The following ZNF654 variants were observed in gnomAD, a reference collection of about 807,000 sequenced individuals.
ZNF654 encodes melanoma-associated antigen.
A neutral mutation model predicts 95.3 loss-of-function variants in ZNF654; 19 were observed. That is an observed-to-expected ratio of 0.20 (90% CI 0.14 to 0.29). The LOEUF (loss-of-function observed/expected upper bound fraction) is 0.29. Among genes scored for constraint, ZNF654 ranks in the 10% least tolerant of loss-of-function variants. The pLI, the probability that ZNF654 is intolerant of heterozygous loss-of-function variation, is 1.00. For missense variants in ZNF654, 1,046 were observed against 1,341.0 expected (o/e 0.78, Z 3.44); for synonymous variants, 413 against 457.9 (o/e 0.90, Z 1.25).
chr3:88,124,136 A>G (rs1705943455), intron 3 of ZNF654, among the ~76,000 whole-genome samples: 1 of 152,252 alleles, frequency 6.6e-6, no homozygotes, highest in South Asian at 2.1e-4. Context: ...AAAATACTAG[A>G]AGAAATAATA....
At position 88,135,040 on chromosome 3, in the gene ZNF654, CTCT is replaced by C. The variant is rs1298192628; in HGVS notation, c.894-19_894-17del. ...TGAATAAACTGTATTTTTGATAATT[CTCT>C]TTTTTTCTCATTTACAGGGAGTTGA... is the stretch of plus-strand genomic sequence containing the variant. On this transcript the variant is annotated intron_variant, in intron 6 of 8. Transcript: ENST00000636215. 3.0e-6 allele frequency: 4 copies of C among 1,354,598 alleles called. No individual in the cohort carries two copies. In the Admixed American group the frequency reaches 1.1e-4, roughly 36 times the overall value. 83.9% of individuals were successfully genotyped at this position (1,354,598 alleles called of 1,614,324 possible).
intron 3 of ZNF654, among the ~76,000 whole-genome samples, chr3:88,124,944 G>A (rs1705998924): frequency 6.6e-6 from 1 of 151,958 alleles, no homozygotes; most frequent in Non-Finnish European, 1.5e-5. Flanking sequence ...GGCCAGACAC[G>A]GTGGCTCACG....
chr3:88,068,016 T>C (rs1224535861), intron 1 of ZNF654, among the ~76,000 whole-genome samples: 1 of 151,514 alleles, frequency 6.6e-6, no homozygotes, highest in Non-Finnish European at 1.5e-5. Flanking sequence ...TGAAGGGGAG[T>C]AAGGACAACA....
chr3:88,132,407 T>G (rs1706518680), intron 6 of ZNF654, among the ~76,000 whole-genome samples: 1 of 152,150 alleles, frequency 6.6e-6, no homozygotes, highest in African/African-American at 2.4e-5. Flanking sequence ...ATGCACACAT[T>G]GAATAAAGGA....
chr3:88,138,688 T>C lies in ZNF654; in HGVS notation c.1036-17T>C, dbSNP rs1706953205. On this transcript the variant is annotated splice_polypyrimidine_tract_variant and intron_variant, in intron 7 of 8. Transcript: ENST00000636215. The stretch of plus-strand genomic sequence containing the variant: ...TTGGAAAAAAAGTATTTAGCACTAA[T>C]ATTTTTCTTTTTACAGGTTGAAGAA... 2 of 1,225,940 alleles carry C rather than the reference T, an allele frequency of 1.6e-6. No individual in the cohort carries two copies. Among genetic ancestry groups the C allele is most frequent in the East Asian group, 3.2e-5 (1 of 31,678 alleles). The allele number at this position is 1,225,940 out of a possible 1,614,324, so 75.9% of individuals were successfully genotyped here.
intron 2 of ZNF654, among the ~76,000 whole-genome samples, chr3:88,091,793 A>G (rs1320809532): frequency 2.0e-5 from 3 of 152,174 alleles, no homozygotes; most frequent in Admixed American, 1.3e-4. Flanking sequence ...GCCTGCCGCC[A>G]TGTAAGACAT....
At chr3:88,079,693 T>C (rs9834501) in intron 1 of ZNF654, among the ~76,000 whole-genome samples, 109,961 of 151,858 alleles carry the variant, frequency 0.72, 42,708 homozygotes, top group South Asian at 0.91. Context: ...TTTAACAGTA[T>C]GATTGTATGG....
chr3:88,088,569 T>C (rs753178369), intron 2 of ZNF654, among the ~76,000 whole-genome samples: 39 of 152,164 alleles, frequency 2.6e-4, no homozygotes, highest in Non-Finnish European at 5.0e-4. Flanking sequence ...GATGTAAAGC[T>C]GAAGAAGAAA....
rs542395989 is a variant in ZNF654, at chr3:88,122,668, G to A, written c.415-3466G>A. Among the ~76,000 whole-genome samples the A allele has an allele frequency of 1.6e-3, 244 of 152,254 alleles. 2 individuals carry two copies. Among genetic ancestry groups the A allele is most frequent in the Non-Finnish European group, 2.9e-3 (196 of 68,012 alleles). ...GACTGATGACTTAATAAAGGATTAA[G>A]TTGATATAGAGGCACAATTTATTAT... On this transcript the variant is annotated intron_variant, in intron 3 of 8. Coordinates refer to ENST00000636215, the MANE Select transcript of ZNF654 (RefSeq NM_001350134.2).
intron 2 of ZNF654, among the ~76,000 whole-genome samples, chr3:88,108,829 G>GAA (rs548207936): frequency 7.6e-5 from 11 of 144,200 alleles, no homozygotes; most frequent in East Asian, 2.0e-4. Context: ...CTCAACTTCA[G>GAA]AAAAAAAAAA....
intron 6 of ZNF654, among the ~76,000 whole-genome samples, chr3:88,131,745 C>A (rs558588538): frequency 2.6e-5 from 4 of 152,048 alleles, no homozygotes; most frequent in African/African-American, 9.6e-5. Flanking sequence ...TGATGGCCTA[C>A]CCTCTTATTT....
In ZNF654 at chr3:88,086,346, T is replaced by C; in HGVS notation, c.276T>C (p.Ser92=). The C allele has an allele frequency of 1.3e-6, 2 of 1,535,608 alleles. No homozygotes were observed. The highest frequency in any genetic ancestry group is 1.7e-6 in the Non-Finnish European group (2 of 1,146,736). The change falls in exon 2 of 9, where the codon AGT becomes AGC. Residue 92 remains serine (S), a synonymous_variant. Coordinates refer to ENST00000636215, the MANE Select transcript of ZNF654 (RefSeq NM_001350134.2). ...QTALCCFTTA[S]ASFPDECEHV... The stretch of plus-strand genomic sequence containing the variant: ...CCCTTTGTTGTTTTACAACAGCCAG[T>C]GCATCATTCCCAGATGAATGTGAGC...
rs1482398317 is a variant in ZNF654, at chr3:88,142,461, C to G, written c.*809C>G. ...TGAAAGGAATCTAAGACTTTACAGG[C>G]TTTGTAGTTGAAGGAAAACACTGAA... is the stretch of plus-strand genomic sequence containing the variant. On this transcript the variant is annotated 3_prime_UTR_variant, in exon 9 of 9. Coordinates refer to ENST00000636215, the MANE Select transcript of ZNF654 (RefSeq NM_001350134.2). 1 of 152,228 alleles carries G rather than the reference C, an allele frequency of 6.6e-6. No individual in the cohort carries two copies. Among genetic ancestry groups the G allele is most frequent in the African/African-American group, 2.4e-5 (1 of 41,382 alleles). The allele number at this position is 152,228 out of a possible 1,614,324, so 9.4% of individuals were successfully genotyped here. A position where few individuals can be genotyped will look rare whatever the true frequency, so the allele number is the denominator to read the frequency against.
intron 1 of ZNF654, among the ~76,000 whole-genome samples, chr3:88,085,671 T>C (rs1382428400): frequency 6.6e-6 from 1 of 152,228 alleles, no homozygotes; most frequent in Admixed American, 6.5e-5. Context: ...AGGAAACTAA[T>C]GCATTGAGAA....
At chr3:88,102,810 C>T (rs1380240483) in intron 2 of ZNF654, among the ~76,000 whole-genome samples, 2 of 132,754 alleles carry the variant, frequency 1.5e-5, no homozygotes, top group African/African-American at 5.5e-5. Context: ...ACCTCAACCT[C>T]TACTGTCTTT....
chr3:88,127,999 A>G lies in ZNF654; in HGVS notation c.551-810A>G, dbSNP rs538804160. Among the ~76,000 whole-genome samples, 14 of 152,358 alleles carry G rather than the reference A, an allele frequency of 9.2e-5. No individual in the cohort carries two copies. In the East Asian group the frequency reaches 2.3e-3, roughly 25 times the overall value. ...GCACTTTAGAAGCTACTGATTAAATATAAGTAATTAAAATACTTCTGGATT... is the reference window on the plus strand; with the variant it reads ...GCACTTTAGAAGCTACTGATTAAATGTAAGTAATTAAAATACTTCTGGATT... On this transcript the variant is annotated intron_variant, in intron 4 of 8. Transcript: ENST00000636215.
chr3:88,141,582 TGACTTG>T, intron 8 of ZNF654, 57 bp from the exon 9 acceptor site: 1 of 1,280,406 alleles, frequency 7.8e-7, no homozygotes, highest in East Asian at 2.6e-5. Flanking sequence ...AACAGGAATC[TGACTTG>T]GAATTCCGGT....
Position 88,140,064 on chromosome 3 carries a change from T to A in ZNF654, c.2395T>A (p.Ser799Thr), listed in dbSNP as rs1488980960. The change falls in exon 8 of 9, where the codon TCT becomes ACT. Residue 799 changes from serine to threonine, a missense_variant. By Grantham distance (58) the Ser-to-Thr change is moderately conservative (BLOSUM62 1). Coordinates refer to ENST00000636215, the MANE Select transcript of ZNF654 (RefSeq NM_001350134.2). ...CKFCQRQFED[S>T]QHFIDHLNRH... ...ATTTTGTCAAAGGCAATTTGAAGAT[T>A]CTCAACATTTTATAGACCACCTTAA... The A allele has an allele frequency of 6.2e-7, 1 of 1,613,632 alleles. No homozygotes were observed. The highest frequency in any genetic ancestry group is 8.5e-7 in the Non-Finnish European group (1 of 1,179,750).
intron 3 of ZNF654, among the ~76,000 whole-genome samples, chr3:88,119,327 T>C (rs1458454472): frequency 1.5e-5 from 2 of 135,448 alleles, no homozygotes; most frequent in Admixed American, 8.0e-5. Flanking sequence ...TAGGTGGGAA[T>C]TGAACAATGA....
Sources: gnomAD v4.1 joint callset for allele counts (sites outside exome capture counted in the v4.1 genomes callset) on GRCh38, gnomAD v4.1.1 for gene constraint, MANE v1.5 for transcripts, NCBI Gene and HGNC (gene_info 2026-07-23, HGNC 2026-07-21) for gene names.